NELL2: variants seen among roughly 807,000 people sequenced by gnomAD.
NELL2 encodes protein kinase C-binding protein NELL2.
In NELL2, 41 loss-of-function variants were observed where a neutral mutation model predicts 109.6. The observed-to-expected ratio is 0.37, with a 90% CI of 0.29 to 0.49. The LOEUF (loss-of-function observed/expected upper bound fraction) is 0.49. Ranked by LOEUF, NELL2 falls within the 20% of genes least tolerant of loss-of-function variation. The pLI is 0.98. For missense variants in NELL2, 900 were observed against 1,008.3 expected (o/e 0.89, Z 1.45); for synonymous variants, 355 against 344.7 (o/e 1.03, Z -0.33).
chr12:44,744,201 C>T (rs1204805783), intron 9 of NELL2, among the ~76,000 whole-genome samples: 1 of 152,126 alleles, frequency 6.6e-6, no homozygotes, highest in African/African-American at 2.4e-5. Context: ...GGAATGACTA[C>T]AGGTTAAATA....
chr12:44,692,184 A>T (rs535026970), intron 12 of NELL2, among the ~76,000 whole-genome samples: 1 of 152,164 alleles, frequency 6.6e-6, no homozygotes, highest in Admixed American at 6.6e-5. Context: ...CGTTAAGTTG[A>T]AGCCATTGCT....
At chr12:44,723,898 C>G (rs528525355) in intron 9 of NELL2, among the ~76,000 whole-genome samples, 1 of 152,116 alleles carries the variant, frequency 6.6e-6, no homozygotes, top group Non-Finnish European at 1.5e-5. Context: ...TGGATATATA[C>G]CCAAGGAAAA....
At chr12:44,917,545 C>T (rs1402156643), upstream of NELL2, among the ~76,000 whole-genome samples, 2 of 152,176 alleles carry the variant, frequency 1.3e-5, no homozygotes, top group African/African-American at 4.8e-5. Context: ...GATTCCCACC[C>T]CTTGGTGTTC....
intron 2 of NELL2, among the ~76,000 whole-genome samples, chr12:44,872,181 A>T (rs545441268): frequency 2.0e-4 from 31 of 152,190 alleles, no homozygotes; most frequent in Middle Eastern, 3.4e-3. Context: ...TATTGTCTAC[A>T]TTCACTCCTC....
At chr12:44,661,097 G>A (rs1947726538) in intron 13 of NELL2, among the ~76,000 whole-genome samples, 1 of 152,166 alleles carries the variant, frequency 6.6e-6, no homozygotes, top group Admixed American at 6.5e-5. Context: ...CTTTCCAGGG[G>A]CATTCCAGTG....
intron 1 of NELL2, among the ~76,000 whole-genome samples, chr12:44,901,040 A>C (rs1347455418): frequency 6.6e-6 from 1 of 152,146 alleles, no homozygotes; most frequent in Non-Finnish European, 1.5e-5. Flanking sequence ...ACAAGAAATA[A>C]CTAAGATCAG....
At chr12:44,652,568 A>G (rs1433999523) in intron 13 of NELL2, among the ~76,000 whole-genome samples, 1 of 152,178 alleles carries the variant, frequency 6.6e-6, no homozygotes, top group Non-Finnish European at 1.5e-5. Flanking sequence ...CAAACACCAA[A>G]CTTGCTCCAG....
rs980446772 is a variant in NELL2 at position 44,682,794 on chromosome 12, C to G, written c.1319-17185G>C. ...TTGATCTATATCTCTGTTTTGGTAC[C>G]AGTACCATGCTGTTTTGGTTACTGC... On this transcript the variant is annotated intron_variant, in intron 12 of 19. Transcript: ENST00000429094. Among the ~76,000 whole-genome samples, 15 of 152,238 alleles carry G rather than the reference C, an allele frequency of 9.9e-5. 1 individual carries two copies. The highest frequency in any genetic ancestry group is 4.6e-4 in the Admixed American group (7 of 15,294).
chr12:44,895,756 A>G (rs951083475), intron 1 of NELL2, among the ~76,000 whole-genome samples: 3 of 152,072 alleles, frequency 2.0e-5, no homozygotes, highest in African/African-American at 7.2e-5. Flanking sequence ...TACCACTACC[A>G]CCACCCCAGG....
intron 3 of NELL2, among the ~76,000 whole-genome samples, chr12:44,804,518 G>A (rs967976988): frequency 1.3e-5 from 2 of 151,762 alleles, no homozygotes; most frequent in Non-Finnish European, 2.9e-5. Flanking sequence ...ACACTTAATC[G>A]TAACTAAAGG....
chr12:44,713,037 A>G (rs1357525743), intron 10 of NELL2, among the ~76,000 whole-genome samples: 1 of 151,880 alleles, frequency 6.6e-6, no homozygotes, highest in Admixed American at 6.6e-5. Context: ...TTGCCTCTAT[A>G]AAGACTTCTA....
chr12:44,543,001 A>T (rs61930799), intron 15 of NELL2, among the ~76,000 whole-genome samples: 23,493 of 152,094 alleles, frequency 0.15, 1,945 homozygotes, highest in East Asian at 0.27. Context: ...ACTGTGAGAT[A>T]ATAAATTCCT....
chr12:44,588,065 G>T (rs1309550230), intron 15 of NELL2, among the ~76,000 whole-genome samples: 1 of 151,926 alleles, frequency 6.6e-6, no homozygotes, highest in Non-Finnish European at 1.5e-5. Context: ...GCGGGAGAAT[G>T]GTGTGAACCC....
At chr12:44,844,084 G>T (rs1362875599) in intron 2 of NELL2, among the ~76,000 whole-genome samples, 2 of 152,180 alleles carry the variant, frequency 1.3e-5, no homozygotes, top group African/African-American at 4.8e-5. Flanking sequence ...GGAATGCTGT[G>T]ACTTCATGTG....
At chr12:44,566,566 C>CACAGAG (rs377368706) in intron 15 of NELL2, among the ~76,000 whole-genome samples, 2 of 138,422 alleles carry the variant, frequency 1.4e-5, no homozygotes, top group African/African-American at 5.2e-5. Flanking sequence ...CACACACACA[C>CACAGAG]AGAGTTTTAT....
At chr12:44,876,918 G>A (rs989387858), upstream of NELL2, 6 of 1,248,258 alleles carry the variant, frequency 4.8e-6, no homozygotes, top group East Asian at 3.2e-5. Context: ...CCTGCCGGGG[G>A]CGGGGCGCTG....
chr12:44,875,495 CGA>C (rs768302554), intron 1 of NELL2, 142 bp from the exon 2 acceptor site: 4 of 1,613,970 alleles, frequency 2.5e-6, no homozygotes, highest in South Asian at 2.2e-5. Flanking sequence ...CCTCCTCCGC[CGA>C]GAGCCTTACC....
At chr12:44,539,722 T>C (rs1942462541) in intron 15 of NELL2, among the ~76,000 whole-genome samples, 1 of 152,224 alleles carries the variant, frequency 6.6e-6, no homozygotes, top group South Asian at 2.1e-4. Context: ...ATAGTTTTTA[T>C]AAATATTAAT....
intron 13 of NELL2, among the ~76,000 whole-genome samples, chr12:44,652,829 G>A (rs1566092306): frequency 6.6e-6 from 1 of 152,172 alleles, no homozygotes. Context: ...AGGCTCTAGT[G>A]GTGAATCTGT....
Sources: allele counts gnomAD v4.1 joint callset (sites outside exome capture counted in the v4.1 genomes callset), GRCh38; gene constraint gnomAD v4.1.1; transcripts MANE v1.5; gene names NCBI Gene and HGNC (gene_info 2026-07-23, HGNC 2026-07-21).